Variants in LRRC7 observed in about 807,000 individuals in gnomAD.
LRRC7 encodes leucine-rich repeat-containing protein 7.
In LRRC7, 23 loss-of-function variants were observed where a neutral mutation model predicts 175.7. The ratio of observed to expected loss-of-function variants is 0.13; its 90% CI spans 0.09 to 0.19. The LOEUF is 0.19. Among genes scored for constraint, LRRC7 ranks in the 10% least tolerant of loss-of-function variants. LRRC7 has a pLI of 1.00. For missense variants in LRRC7, 1,354 were observed against 1,904.7 expected (o/e 0.71, Z 5.38); for synonymous variants, 685 against 680.9 (o/e 1.01, Z -0.09).
chr1:69,715,287 T>A (rs1016351378), intron 2 of LRRC7, among the ~76,000 whole-genome samples: 2 of 152,184 alleles, frequency 1.3e-5, no homozygotes, highest in African/African-American at 4.8e-5. Context: ...AAATTCTCTA[T>A]AGTCCTGACT....
rs1462070082 is a variant in LRRC7 at position 70,138,250 on chromosome 1, A to C, written c.*16363A>C. 1 of 152,190 alleles carries C rather than the reference A, an allele frequency of 6.6e-6. No homozygotes were observed. The highest frequency in any genetic ancestry group is 2.4e-5 in the African/African-American group (1 of 41,440). The allele number at this position is 152,190 out of a possible 1,614,324, so 9.4% of individuals were successfully genotyped here. A position where few individuals can be genotyped will look rare whatever the true frequency, so the allele number is the denominator to read the frequency against. ...AAAGGACTCCTGACCTTCAAGTACC[A>C]GTTTGGGCATATTACTGGAGATCCA... On this transcript the variant is annotated 3_prime_UTR_variant, in exon 27 of 27. Transcript: ENST00000651989.
intron 8 of LRRC7, among the ~76,000 whole-genome samples, chr1:69,943,949 AACACACACACAC>A (rs55900412): frequency 0.016 from 2,379 of 145,484 alleles, 39 homozygotes; most frequent in South Asian, 0.028. Flanking sequence ...TATCATGGTA[AACACACACACAC>A]ACACACACAC....
chr1:69,936,793 T>C (rs1191963293), intron 8 of LRRC7, among the ~76,000 whole-genome samples: 1 of 152,116 alleles, frequency 6.6e-6, no homozygotes, highest in Non-Finnish European at 1.5e-5. Context: ...AATGTTTAGC[T>C]CCCACTTATA....
intron 25 of LRRC7, among the ~76,000 whole-genome samples, chr1:70,103,352 T>C (rs1002522976): frequency 6.6e-6 from 1 of 152,182 alleles, no homozygotes; most frequent in Non-Finnish European, 1.5e-5. Flanking sequence ...CCTGGATTAT[T>C]CAGATGGGCT....
chr1:70,035,881 G>C (rs1026320715), intron 18 of LRRC7, among the ~76,000 whole-genome samples: 4 of 151,960 alleles, frequency 2.6e-5, no homozygotes, highest in African/African-American at 9.7e-5. Flanking sequence ...TCATTGCACA[G>C]TGCCAGGCAT....
rs913046455 is a variant in LRRC7, at chr1:70,142,996, A to G, written c.*21109A>G. 16 of 151,972 alleles carry G rather than the reference A, an allele frequency of 1.1e-4. No homozygotes were observed. The highest frequency in any genetic ancestry group is 3.9e-4 in the African/African-American group (16 of 41,390). 9.4% of individuals were successfully genotyped at this position (151,972 alleles called of 1,614,324 possible). On this transcript the variant is annotated 3_prime_UTR_variant, in exon 27 of 27. Coordinates refer to ENST00000651989, the MANE Select transcript of LRRC7 (RefSeq NM_001370785.2). ...TATTTTGGGGCATAATCCTTTTACT[A>G]CTCTATAAAGAAGTTCTACTTCTAC...
intron 22 of LRRC7, among the ~76,000 whole-genome samples, chr1:70,045,672 C>T (rs1259037080): frequency 6.6e-6 from 1 of 152,170 alleles, no homozygotes; most frequent in African/African-American, 2.4e-5. Context: ...TGCTCTCACA[C>T]TGCTAATAAA....
intron 7 of LRRC7, among the ~76,000 whole-genome samples, chr1:69,875,179 G>A (rs1468244923): frequency 6.6e-6 from 1 of 152,020 alleles, no homozygotes; most frequent in African/African-American, 2.4e-5. Flanking sequence ...AAAGATTAAA[G>A]AAACATTGCT....
At position 70,038,786 on chromosome 1, in the gene LRRC7, A is replaced by G; in HGVS notation, c.2962A>G (p.Ile988Val). Reference protein sequence around the residue: ...KSNKFKKSQSIDEIDIGTYKV... With the variant: ...KSNKFKKSQSVDEIDIGTYKV... ...TAATAAATTCAAAAAGTCACAGAGT[A>G]TCGATGAGATTGACATTGGTACATA... Residue 988 changes from isoleucine to valine, a missense_variant, in exon 21 of 27, where the codon ATC becomes GTC. By Grantham distance (29) the Ile-to-Val change is conservative. This residue lies in a region of LRRC7 where 1,032 missense variants were observed against 1,227.2 expected (regional missense o/e 0.84). Coordinates refer to ENST00000651989, the MANE Select transcript of LRRC7 (RefSeq NM_001370785.2). 6.2e-7 allele frequency: 1 copy of G among 1,614,098 alleles called. No homozygotes were observed.
chr1:69,653,946 A>T (rs1269270830), intron 1 of LRRC7, among the ~76,000 whole-genome samples: 1 of 152,058 alleles, frequency 6.6e-6, no homozygotes. Context: ...GGTGGTTTCC[A>T]GGAGTTGAGA....
chr1:69,687,520 CAAAAAA>C (rs551726376), intron 2 of LRRC7, among the ~76,000 whole-genome samples: 79 of 96,888 alleles, frequency 8.2e-4, no homozygotes, highest in African/African-American at 2.7e-3. Flanking sequence ...AAGAAAAAAC[CAAAAAA>C]AAAAAAAAAA....
chr1:69,592,500 A>G (rs1646678669), intron 1 of LRRC7, among the ~76,000 whole-genome samples: 1 of 152,102 alleles, frequency 6.6e-6, no homozygotes, highest in South Asian at 2.1e-4. Context: ...AAAAGTACCT[A>G]ATGCTAGCCA....
intron 7 of LRRC7, among the ~76,000 whole-genome samples, chr1:69,877,821 T>G (rs1240219971): frequency 1.3e-5 from 2 of 152,164 alleles, no homozygotes; most frequent in African/African-American, 4.8e-5. Context: ...GCATAACCCA[T>G]AATAATCTGG....
intron 25 of LRRC7, among the ~76,000 whole-genome samples, chr1:70,102,150 G>C (rs1664846605): frequency 6.6e-6 from 1 of 152,140 alleles, no homozygotes; most frequent in Non-Finnish European, 1.5e-5. Flanking sequence ...TCCTGACTTG[G>C]AGCTACTAAA....
intron 3 of LRRC7, among the ~76,000 whole-genome samples, chr1:69,771,021 T>A (rs1672182161): frequency 6.6e-6 from 1 of 152,192 alleles, no homozygotes; most frequent in African/African-American, 2.4e-5. Context: ...CAGCGCCAAA[T>A]GTATACAATT....
intron 2 of LRRC7, among the ~76,000 whole-genome samples, chr1:69,716,988 A>G (rs1665427617): frequency 6.6e-6 from 1 of 151,810 alleles, no homozygotes; most frequent in African/African-American, 2.4e-5. Context: ...AAGTATTTAC[A>G]TAAATATTTC....
chr1:69,954,812 G>A (rs1366215261), intron 8 of LRRC7, among the ~76,000 whole-genome samples: 1 of 151,982 alleles, frequency 6.6e-6, no homozygotes, highest in African/African-American at 2.4e-5. Context: ...TTATGACATT[G>A]TCAGCACCAA....
Position 70,038,676 on chromosome 1 carries a change from A to G in LRRC7, c.2852A>G (p.His951Arg), listed in dbSNP as rs182735253. ...RSLSNVFSQI[H>R]CRPESSKGVI... ...CTTAGTAATGTCTTTTCTCAAATCC[A>G]CTGCCGCCCGGAATCTTCTAAAGGT... Residue 951 changes from histidine (H) to arginine (R), a missense_variant, in exon 21 of 27, where the codon CAC (histidine) becomes CGC (arginine). Transcript: ENST00000651989. The G allele has an allele frequency of 3.7e-6, 6 of 1,614,122 alleles. No individual in the cohort carries two copies. In the East Asian group the frequency reaches 6.7e-5, roughly 18 times the overall value.
At chr1:70,075,603 G>GT (rs1465677209) in intron 23 of LRRC7, among the ~76,000 whole-genome samples, 1 of 152,112 alleles carries the variant, frequency 6.6e-6, no homozygotes, top group Non-Finnish European at 1.5e-5. Flanking sequence ...GAATAATGGT[G>GT]ATAATTGATA....
Sources: allele counts gnomAD v4.1 joint callset (sites outside exome capture counted in the v4.1 genomes callset), GRCh38; gene constraint gnomAD v4.1.1; regional missense constraint gnomAD v4.1.1; transcripts MANE v1.5; gene names NCBI Gene and HGNC (gene_info 2026-07-23, HGNC 2026-07-21).